The following AIG1 variants were observed in gnomAD, a reference collection of about 807,000 sequenced individuals.
AIG1 encodes androgen induced 1.
Under a neutral mutation model 31.4 loss-of-function variants are expected in AIG1, and 23 were observed. That is an observed-to-expected ratio of 0.73 (90% CI 0.53 to 1.04). The LOEUF is 1.04. AIG1 is among the 50% of genes least tolerant of loss of function. The pLI is 0.00. For missense variants in AIG1, 274 were observed against 295.0 expected, an observed-to-expected ratio of 0.93 and a Z score of 0.52; for synonymous variants, 100 against 110.5, an observed-to-expected ratio of 0.90 and a Z score of 0.60.
rs1211241204 is a variant in AIG1 at position 143,267,518 on chromosome 6, TA to T, written c.400-16589del. Among the ~76,000 whole-genome samples, 3 of 152,174 alleles carry T rather than the reference TA, an allele frequency of 2.0e-5. No individual in the cohort carries two copies. In the East Asian group the frequency reaches 5.8e-4, roughly 29 times the overall value. Reference sequence around the variant, plus strand: ...CATTATATCTAGTTCATGCAACCCATAAAGTTGCACATTCTGTACCTTTTGA... The same window carrying T: ...CATTATATCTAGTTCATGCAACCCATAAGTTGCACATTCTGTACCTTTTGA... On this transcript the variant is annotated intron_variant, in intron 3 of 5. Transcript: ENST00000357847.
At chr6:143,064,121 C>T (rs998199709) in intron 1 of AIG1, among the ~76,000 whole-genome samples, 6 of 152,184 alleles carry the variant, frequency 3.9e-5, no homozygotes, top group Non-Finnish European at 8.8e-5. Context: ...TTTACATTCT[C>T]ATGCCAGGAA....
At chr6:143,190,537 GA>G (rs1356458301) in intron 3 of AIG1, 1 of 984,972 alleles carries the variant, frequency 1.0e-6, no homozygotes, top group Non-Finnish European at 1.2e-6. Context: ...TTCTTTTTAA[GA>G]ATCATATGAG....
chr6:143,097,314 C>G (rs1301894305), intron 1 of AIG1, among the ~76,000 whole-genome samples: 1 of 151,658 alleles, frequency 6.6e-6, no homozygotes, highest in Non-Finnish European at 1.5e-5. Flanking sequence ...AATCCTATAC[C>G]CCCTCATTTC....
chr6:143,081,113 T>C (rs942950573), intron 1 of AIG1, among the ~76,000 whole-genome samples: 4 of 152,184 alleles, frequency 2.6e-5, no homozygotes, highest in Non-Finnish European at 5.9e-5. Flanking sequence ...GTCCTGCTTT[T>C]TGGGGACAGT....
intron 2 of AIG1, among the ~76,000 whole-genome samples, chr6:143,148,829 A>AAGAGAG (rs888198252): frequency 1.3e-5 from 2 of 151,814 alleles, no homozygotes; most frequent in African/African-American, 4.8e-5. Context: ...CAAAAAAAAA[A>AAGAGAG]AGAGAGAGAG....
intron 3 of AIG1, among the ~76,000 whole-genome samples, chr6:143,228,731 C>T (rs528127796): frequency 6.6e-6 from 1 of 152,244 alleles, no homozygotes; most frequent in Admixed American, 6.5e-5. Context: ...ATGAATTGGC[C>T]CCAAGATGGG....
chr6:143,230,623 G>T (rs1793369974), intron 3 of AIG1, among the ~76,000 whole-genome samples: 2 of 150,364 alleles, frequency 1.3e-5, no homozygotes, highest in Admixed American at 1.3e-4. Flanking sequence ...GCATTAATAA[G>T]ACAAATATAT....
intron 1 of AIG1, among the ~76,000 whole-genome samples, chr6:143,124,242 G>C (rs1251202214): frequency 3.3e-5 from 5 of 152,186 alleles, no homozygotes; most frequent in Non-Finnish European, 7.3e-5. Context: ...GAGCGCTGAA[G>C]GGCCATTGCA....
At chr6:143,137,621 T>C (rs569472250) in intron 2 of AIG1, among the ~76,000 whole-genome samples, 2 of 152,310 alleles carry the variant, frequency 1.3e-5, no homozygotes, top group Non-Finnish European at 2.9e-5. Flanking sequence ...TGCCTCTTAA[T>C]GTTTGGGTCT....
At chr6:143,147,718 C>T (rs79535798) in intron 2 of AIG1, among the ~76,000 whole-genome samples, 5,910 of 152,210 alleles carry the variant, frequency 0.039, 377 homozygotes, top group African/African-American at 0.13. Context: ...ACACCACATA[C>T]GGAAGCCTCT....
Position 143,334,076 on chromosome 6 carries a change from A to G in AIG1, c.679+631A>G, listed in dbSNP as rs1382723946. ...TTTCTCTTTTGTTTCCATTTATGGC[A>G]GAGCCTCCATCTTGGCAAGGCACGT... On this transcript the variant is annotated intron_variant, in intron 5 of 5. Coordinates refer to ENST00000357847, the MANE Select transcript of AIG1 (RefSeq NM_016108.4). The surrounding 1 kb of genome is among the most constrained non-coding windows in gnomAD (Gnocchi z 5.1). 2 of 1,550,520 alleles carry G rather than the reference A, an allele frequency of 1.3e-6. No individual in the cohort carries two copies. The highest frequency in any genetic ancestry group is 1.2e-5 in the South Asian group (1 of 84,028).
intron 3 of AIG1, among the ~76,000 whole-genome samples, chr6:143,167,525 A>G (rs937305222): frequency 3.3e-5 from 5 of 152,206 alleles, no homozygotes; most frequent in African/African-American, 1.2e-4. Flanking sequence ...ACTGCACAAT[A>G]TTACCTTCAT....
At position 143,327,708 on chromosome 6, in the gene AIG1, AAAGAT is replaced by A. The variant is rs1194186615; in HGVS notation, c.516-5571_516-5567del. On this transcript the variant is annotated intron_variant, in intron 4 of 5. Coordinates refer to ENST00000357847, the MANE Select transcript of AIG1 (RefSeq NM_016108.4). This position sits in a 1 kb window ranked among gnomAD's most constrained non-coding sequence, Gnocchi z 5.3. ...AGTTATAAAATTGTAAAAAAAAAAA[AAAGAT>A]AATGGATTAACTAAATGTGATGAAA... 1 of 170,814 alleles carries A rather than the reference AAAGAT, an allele frequency of 5.9e-6. No homozygotes were observed. The highest frequency in any genetic ancestry group is 1.2e-5 in the Non-Finnish European group (1 of 81,212). The allele number at this position is 170,814 out of a possible 1,614,324, so 10.6% of individuals were successfully genotyped here.
intron 3 of AIG1, among the ~76,000 whole-genome samples, chr6:143,277,313 A>G (rs577783016): frequency 6.6e-6 from 1 of 152,300 alleles, no homozygotes; most frequent in East Asian, 1.9e-4. Flanking sequence ...TTTTCATACT[A>G]TTCTTATTTA....
At position 143,122,963 on chromosome 6, in the gene AIG1, C is replaced by A. The variant is rs73777879; in HGVS notation, c.142-13872C>A. ...TATTCATCTCCTGATACCCTCAGTGCCCCAGTGTCTTGTTGAGCTTCCTTA... is the reference window on the plus strand; with the variant it reads ...TATTCATCTCCTGATACCCTCAGTGACCCAGTGTCTTGTTGAGCTTCCTTA... On this transcript the variant is annotated intron_variant, in intron 1 of 5. Coordinates refer to ENST00000357847, the MANE Select transcript of AIG1 (RefSeq NM_016108.4). 6.8e-3 allele frequency among the ~76,000 whole-genome samples: 1,036 copies of A among 152,254 alleles called. 12 individuals are homozygous for A. The highest frequency in any genetic ancestry group is 0.017 in the African/African-American group (718 of 41,544).
At chr6:143,337,973 C>G (rs1777633725) in intron 5 of AIG1, 1 of 398,534 alleles carries the variant, frequency 2.5e-6, no homozygotes, top group Admixed American at 4.4e-5. Flanking sequence ...CTGTCTACCT[C>G]ACAGCTGCCA....
intron 1 of AIG1, among the ~76,000 whole-genome samples, chr6:143,132,552 C>T (rs9496528): frequency 0.011 from 1,731 of 151,950 alleles, 36 homozygotes; most frequent in African/African-American, 0.038. Flanking sequence ...GGGATTGATA[C>T]GGTTTTCTTT....
chr6:143,188,081 A>T (rs1384967654), intron 3 of AIG1: 2 of 1,048,674 alleles, frequency 1.9e-6, no homozygotes, highest in Non-Finnish European at 2.3e-6. Context: ...CTCAAAGGGT[A>T]CAGTGATAAA....
chr6:143,288,701 C>T lies in AIG1; in HGVS notation c.515+4476C>T, dbSNP rs927405930. On this transcript the variant is annotated intron_variant, in intron 4 of 5. Transcript: ENST00000357847. The surrounding 1 kb of genome is among the most constrained non-coding windows in gnomAD (Gnocchi z 4.4). ...TAAAGAGGTTTATTCTGAGGCAATA[C>T]GAGTGACCATGGCCCAGGAAACAGT... Among the ~76,000 whole-genome samples, 4 of 152,152 alleles carry T rather than the reference C, an allele frequency of 2.6e-5. No homozygotes were observed. The highest frequency in any genetic ancestry group is 7.2e-5 in the African/African-American group (3 of 41,420).
Sources: allele counts gnomAD v4.1 joint callset (sites outside exome capture counted in the v4.1 genomes callset), GRCh38; gene constraint gnomAD v4.1.1; non-coding constraint Gnocchi (gnomAD v3.1); transcripts MANE v1.5; gene names NCBI Gene and HGNC (gene_info 2026-07-23, HGNC 2026-07-21).